Variants in SPATC1 observed in about 807,000 individuals in gnomAD.
SPATC1 encodes speriolin.
Under a neutral mutation model 36.5 loss-of-function variants are expected in SPATC1, and 35 were observed. That is an observed-to-expected ratio of 0.96 (90% CI 0.73 to 1.27). The LOEUF (loss-of-function observed/expected upper bound fraction) is 1.27, where lower values mean the gene tolerates loss of function less well. Ranked by LOEUF, SPATC1 falls within the 50% of genes most tolerant of loss-of-function variation. The pLI, the probability that SPATC1 is intolerant of heterozygous loss-of-function variation, is 0.00. For missense variants in SPATC1, 779 were observed against 796.0 expected (o/e 0.98, Z 0.26); for synonymous variants, 361 against 353.6 (o/e 1.02, Z -0.24).
In SPATC1 at chr8:144,040,847, A is replaced by G. The variant is rs1211718681; in HGVS notation, c.1046A>G (p.Tyr349Cys). The change falls in exon 3 of 5, where the codon TAC (tyrosine) becomes TGC (cysteine). Residue 349 changes from tyrosine to cysteine, a missense_variant. Physicochemically the swap from Tyr to Cys is radical, Grantham distance 194. Coordinates refer to ENST00000377470, the MANE Select transcript of SPATC1 (RefSeq NM_198572.3). ...CTTGCCCCCCAGGTTGCCACCAGCT[A>G]CACACCCTCAAGCACCACCCACATC... ...PALAPQVATS[Y>C]TPSSTTHIAQ... The G allele has an allele frequency of 7.2e-7, 1 of 1,381,334 alleles. No homozygotes were observed. Among genetic ancestry groups the G allele is most frequent in the Non-Finnish European group, 9.6e-7 (1 of 1,044,890 alleles). The allele number at this position is 1,381,334 out of a possible 1,614,324, so 85.6% of individuals were successfully genotyped here. A position where few individuals can be genotyped will look rare whatever the true frequency, so the allele number is the denominator to read the frequency against.
chr8:144,046,709 G>T lies in SPATC1; in HGVS notation c.1529G>T (p.Arg510Met), dbSNP rs782152432. Residue 510 changes from arginine (R) to methionine (M), a missense_variant, in exon 5 of 5, where the codon AGG becomes ATG. Coordinates refer to ENST00000377470, the MANE Select transcript of SPATC1 (RefSeq NM_198572.3). The surrounding 1 kb of genome is among the most constrained non-coding windows in gnomAD (Gnocchi z 6.6). Reference sequence around the variant, plus strand: ...CAGCGCTATGTGAGCGTCATGAACAGGCTGCAGAGTCTGGGCTACAACGGG... The same window carrying T: ...CAGCGCTATGTGAGCGTCATGAACATGCTGCAGAGTCTGGGCTACAACGGG... ...LTQRYVSVMN[R>M]LQSLGYNGRV... The T allele has an allele frequency of 3.1e-6, 5 of 1,612,638 alleles. No homozygotes were observed. The highest frequency in any genetic ancestry group is 4.2e-6 in the Non-Finnish European group (5 of 1,179,986).
At chr8:144,030,989 G>C (rs988173675) in intron 1 of SPATC1, among the ~76,000 whole-genome samples, 1 of 151,984 alleles carries the variant, frequency 6.6e-6, no homozygotes, top group Admixed American at 6.6e-5. Context: ...GTGCACACTA[G>C]CATATATTTA....
chr8:144,037,155 GC>G (rs1834919336), intron 1 of SPATC1, among the ~76,000 whole-genome samples: 1 of 121,826 alleles, frequency 8.2e-6, no homozygotes, highest in Non-Finnish European at 1.7e-5. Flanking sequence ...GGGGGGGTCA[GC>G]CCCCCACCCA....
chr8:144,037,805 AAAAT>A (rs1421386298), intron 1 of SPATC1, among the ~76,000 whole-genome samples: 2 of 151,848 alleles, frequency 1.3e-5, no homozygotes, highest in East Asian at 3.9e-4. Flanking sequence ...ATGATCAATA[AAAAT>A]AAATAGATTA....
intron 1 of SPATC1, among the ~76,000 whole-genome samples, chr8:144,027,069 T>A (rs949300719): frequency 6.8e-6 from 1 of 147,948 alleles, no homozygotes; most frequent in Non-Finnish European, 1.5e-5. Context: ...CCTGGCCCCA[T>A]GATCCGCCTG....
intron 1 of SPATC1, among the ~76,000 whole-genome samples, chr8:144,030,527 A>T (rs1445236031): frequency 1.3e-5 from 2 of 151,824 alleles, no homozygotes; most frequent in Non-Finnish European, 2.9e-5. Context: ...CCTGGCTAAT[A>T]TTTCTATTTT....
intron 1 of SPATC1, among the ~76,000 whole-genome samples, chr8:144,033,055 A>G (rs1421879755): frequency 6.8e-6 from 1 of 147,752 alleles, no homozygotes; most frequent in African/African-American, 2.6e-5. Context: ...TCAAATGTCC[A>G]GTTTTCAACA....
chr8:144,032,062 C>T (rs1217244967), intron 1 of SPATC1, among the ~76,000 whole-genome samples: 2 of 151,712 alleles, frequency 1.3e-5, no homozygotes, highest in East Asian at 1.9e-4. Context: ...TTCTCTTTAT[C>T]GTCTCTCTTT....
chr8:144,022,993 G>A lies in SPATC1; in HGVS notation c.211+10267G>A, dbSNP rs1363840548. Among the ~76,000 whole-genome samples, 5 of 61,924 alleles carry A rather than the reference G, an allele frequency of 8.1e-5. No homozygotes were observed. The East Asian group carries it at 3.0e-3, about 37-fold the overall frequency. The allele number at this position is 61,924 out of a possible 152,430, so 40.6% of individuals were successfully genotyped here. On this transcript the variant is annotated intron_variant, in intron 1 of 4. Transcript: ENST00000377470. ...CTATTCCCTCAGGACCCTCTTCCCT[G>A]AAAACCCTCTTCCCTCAAGACCCTC...
rs1230927799 is a variant in SPATC1, at chr8:144,038,594, C to T, written c.212-1315C>T. Among the ~76,000 whole-genome samples the T allele has an allele frequency of 2.0e-5, 3 of 151,928 alleles. No individual in the cohort carries two copies. In the South Asian group the frequency reaches 6.2e-4, roughly 31 times the overall value. ...GGCTCAAATGATCCTCCCACCTCAGCCTCCCGAGTAGCTGGGACTACAGGT... is the reference window on the plus strand; with the variant it reads ...GGCTCAAATGATCCTCCCACCTCAGTCTCCCGAGTAGCTGGGACTACAGGT... On this transcript the variant is annotated intron_variant, in intron 1 of 4. Coordinates refer to ENST00000377470, the MANE Select transcript of SPATC1 (RefSeq NM_198572.3).
At chr8:144,027,536 A>T (rs1183632320) in intron 1 of SPATC1, among the ~76,000 whole-genome samples, 1 of 152,222 alleles carries the variant, frequency 6.6e-6, no homozygotes, top group Non-Finnish European at 1.5e-5. Flanking sequence ...AAGGTCATGC[A>T]GATTCACCCC....
intron 1 of SPATC1, among the ~76,000 whole-genome samples, chr8:144,023,183 C>T (rs1834583355): frequency 1.5e-5 from 2 of 132,360 alleles, no homozygotes; most frequent in Admixed American, 1.5e-4. Context: ...ACCCTCTTTC[C>T]TCAGGACCTA....
In SPATC1 at chr8:144,046,385, G is replaced by A. The variant is rs1395994451; in HGVS notation, c.1447-242G>A. Reference sequence around the variant, plus strand: ...GCATCCTCTTCCACCCTGTGGCTGAGGCCCTACTGGGGAGCTTTGAGAGCC... The same window carrying A: ...GCATCCTCTTCCACCCTGTGGCTGAAGCCCTACTGGGGAGCTTTGAGAGCC... On this transcript the variant is annotated intron_variant, in intron 4 of 4. Transcript: ENST00000377470. This position sits in a 1 kb window ranked among gnomAD's most constrained non-coding sequence, Gnocchi z 6.6. 6.6e-6 allele frequency among the ~76,000 whole-genome samples: 1 copy of A among 152,162 alleles called. No individual in the cohort carries two copies. The highest frequency in any genetic ancestry group is 1.5e-5 in the Non-Finnish European group (1 of 68,018).
At position 144,041,321 on chromosome 8, in the gene SPATC1, G is replaced by T. The variant is rs781954923; in HGVS notation, c.1396G>T (p.Val466Leu). 3 of 1,612,832 alleles carry T rather than the reference G, an allele frequency of 1.9e-6. No homozygotes were observed. The highest frequency in any genetic ancestry group is 2.5e-6 in the Non-Finnish European group (3 of 1,180,018). ...RILSSIFPER[V>L]RLYGFTVSNI... is the part of the protein sequence containing the mutation. ...CCTGTCCAGCATCTTCCCAGAGCGCGTACGGCTCTACGGCTTCACTGTCTC... is the reference window on the plus strand; with the variant it reads ...CCTGTCCAGCATCTTCCCAGAGCGCTTACGGCTCTACGGCTTCACTGTCTC... Residue 466 changes from valine (V) to leucine (L), a missense_variant, in exon 4 of 5, where the codon GTA becomes TTA. Physicochemically the swap from Val to Leu is conservative, Grantham distance 32. Transcript: ENST00000377470.
In SPATC1 at chr8:144,040,670, T is replaced by G. The variant is rs781843639; in HGVS notation, c.869T>G (p.Met290Arg). 1.9e-6 allele frequency: 3 copies of G among 1,613,050 alleles called. No individual in the cohort carries two copies. In the African/African-American group the frequency reaches 4.0e-5, roughly 22 times the overall value. The change falls in exon 3 of 5, where the codon ATG (methionine) becomes AGG (arginine). Residue 290 changes from methionine (M) to arginine (R), a missense_variant. Coordinates refer to ENST00000377470, the MANE Select transcript of SPATC1 (RefSeq NM_198572.3). ...PLQTSTPIGA[M>R]GTPAPKTAFS... The stretch of plus-strand genomic sequence containing the variant: ...CAGACCTCCACCCCTATCGGAGCCA[T>G]GGGCACACCTGCTCCCAAGACGGCC...
In SPATC1 at chr8:144,039,936, T is replaced by G; in HGVS notation, c.239T>G (p.Val80Gly). Reference sequence around the variant, plus strand: ...GTCTTCCTGCCCCCGTCCCCAGCAGTGGCAAACGAACGAGTCCTCGAAGAA... The same window carrying G: ...GTCTTCCTGCCCCCGTCCCCAGCAGGGGCAAACGAACGAGTCCTCGAAGAA... ...NGVFLPPSPA[V>G]ANERVLEEVG... The change falls in exon 2 of 5, where the codon GTG (valine) becomes GGG (glycine). Residue 80 changes from valine (V) to glycine (G), a missense_variant. Coordinates refer to ENST00000377470, the MANE Select transcript of SPATC1 (RefSeq NM_198572.3). The G allele has an allele frequency of 3.7e-6, 6 of 1,613,840 alleles. No homozygotes were observed. Among genetic ancestry groups the G allele is most frequent in the Non-Finnish European group, 5.1e-6 (6 of 1,179,944 alleles).
At chr8:144,019,687 G>A (rs1356806778) in intron 1 of SPATC1, among the ~76,000 whole-genome samples, 1 of 152,064 alleles carries the variant, frequency 6.6e-6, no homozygotes, top group Non-Finnish European at 1.5e-5. Flanking sequence ...CTGAAAACTG[G>A]CTCCTGCCCC....
intron 1 of SPATC1, among the ~76,000 whole-genome samples, chr8:144,020,765 G>A (rs1247608946): frequency 2.9e-5 from 2 of 68,652 alleles, no homozygotes; most frequent in Non-Finnish European, 5.9e-5. Context: ...ATGCCCTTAG[G>A]ACCAAGCTCT....
rs782568671 is a variant in SPATC1, at chr8:144,040,591, C to T, written c.790C>T (p.Gln264Ter). ...AGTCCCACTCTCCACTGAGCCCCCC[C>T]AGTCGACCCAGGACCCAGAGCCTCT... is the stretch of plus-strand genomic sequence containing the variant. ...TKVPLSTEPP[Q>*]STQDPEPLSM... Residue 264 changes from glutamine to a stop codon, truncating the protein, a stop_gained, in exon 3 of 5, where the codon CAG becomes TAG. Transcript: ENST00000377470. LOFTEE classifies it high-confidence loss of function. 5 of 1,599,372 alleles carry T rather than the reference C, an allele frequency of 3.1e-6. No homozygotes were observed. The South Asian group carries it at 3.4e-5, about 11-fold the overall frequency.
Sources: gnomAD v4.1 joint callset for allele counts (sites outside exome capture counted in the v4.1 genomes callset) on GRCh38, gnomAD v4.1.1 for gene constraint, Gnocchi (gnomAD v3.1) non-coding constraint, MANE v1.5 for transcripts, NCBI Gene and HGNC (gene_info 2026-07-23, HGNC 2026-07-21) for gene names.